CD99: variants seen among roughly 807,000 people sequenced by gnomAD.
CD99 encodes CD99 antigen.
CD99 carries 19 observed loss-of-function variants against 28.4 expected under a neutral mutation model. The ratio of observed to expected loss-of-function variants is 0.67; its 90% CI spans 0.47 to 0.98. CD99 has a LOEUF of 0.98. Ranked by LOEUF, CD99 falls within the 50% of genes least tolerant of loss-of-function variation. The pLI, the probability that CD99 is intolerant of heterozygous loss-of-function variation, is 0.00. For missense variants in CD99, 283 were observed against 248.8 expected (o/e 1.14, Z -0.92); for synonymous variants, 103 against 92.1 (o/e 1.12, Z -0.67).
intron 8 of CD99, among the ~76,000 whole-genome samples, chrX:2,727,991 G>A (rs1009852328): frequency 2.6e-5 from 4 of 152,068 alleles, no homozygotes; most frequent in African/African-American, 7.2e-5. Context: ...GAGTTTCCCC[G>A]TAATCTCCCA....
chrX:2,691,535 C>T (rs1456462905), intron 1 of CD99, 108 bp downstream of exon 1: 7 of 1,248,750 alleles, frequency 5.6e-6, no homozygotes, highest in East Asian at 5.1e-5. Flanking sequence ...CACCCGGAGC[C>T]TCCTCCCTGC....
chrX:2,713,661 C>A (rs754344362), intron 1 of CD99, among the ~76,000 whole-genome samples: 1 of 152,178 alleles, frequency 6.6e-6, no homozygotes, highest in African/African-American at 2.4e-5. Flanking sequence ...AGGGCTCCTG[C>A]GGGTTGTTCT....
At chrX:2,738,552 C>G (rs1005697244) in intron 9 of CD99, among the ~76,000 whole-genome samples, 1 of 151,822 alleles carries the variant, frequency 6.6e-6, no homozygotes, top group Non-Finnish European at 1.5e-5. Flanking sequence ...ATGGTGAAAC[C>G]CTGTCTGTAC....
chrX:2,721,204 AT>A (rs1426360311), intron 5 of CD99, among the ~76,000 whole-genome samples: 1 of 151,722 alleles, frequency 6.6e-6, no homozygotes, highest in Non-Finnish European at 1.5e-5. Context: ...TACATATTTA[AT>A]TTTTAACACA....
chrX:2,692,606 CT>C (rs1259083211), intron 1 of CD99, among the ~76,000 whole-genome samples: 1 of 152,192 alleles, frequency 6.6e-6, no homozygotes, highest in Non-Finnish European at 1.5e-5. Flanking sequence ...ACTTGGAGGA[CT>C]TTCCAGCCTG....
chrX:2,720,589 T>C (rs2048945031), intron 5 of CD99, 165 bp downstream of exon 5: 3 of 168,444 alleles, frequency 1.8e-5, no homozygotes, highest in African/African-American at 4.8e-5. Flanking sequence ...TTCAAAAATA[T>C]ATATTTAGCT....
chrX:2,733,930 A>G (rs1262889722), intron 8 of CD99, among the ~76,000 whole-genome samples: 1 of 152,230 alleles, frequency 6.6e-6, no homozygotes, highest in Non-Finnish European at 1.5e-5. Context: ...ACAGGTACAC[A>G]CCTTGGTTCC....
At chrX:2,701,980 A>C (rs1603263268) in intron 1 of CD99, among the ~76,000 whole-genome samples, 2 of 152,216 alleles carry the variant, frequency 1.3e-5, no homozygotes, top group South Asian at 4.1e-4. Context: ...AGATGCCTGC[A>C]TCTCACCTTG....
intron 1 of CD99, 75 bp from the exon 2 acceptor site, chrX:2,714,347 C>T (rs2048582740): frequency 8.3e-7 from 1 of 1,211,930 alleles, no homozygotes; most frequent in African/African-American, 1.5e-5. Context: ...AATCGCATAT[C>T]TTTTTTATCT....
In CD99 at chrX:2,736,167, G is replaced by A. The variant is rs531321528; in HGVS notation, c.476-2033G>A. Among the ~76,000 whole-genome samples the A allele has an allele frequency of 6.9e-4, 101 of 147,236 alleles. No individual in the cohort carries two copies. The South Asian group carries it at 0.016, about 23-fold the overall frequency. On this transcript the variant is annotated intron_variant, in intron 8 of 9. Transcript: ENST00000381192. ...CAGTGAGCCGAGATCGCGCCACTGC[G>A]TTCCAGCCTGGGCGACAGAGCAAGA...
At chrX:2,719,420 A>T in intron 3 of CD99, 1 of 545,490 alleles carries the variant, frequency 1.8e-6, no homozygotes, top group South Asian at 2.9e-5. Context: ...CTCCTCTGAG[A>T]GCTTCTCTCC....
chrX:2,720,555 G>T, intron 5 of CD99, 131 bp downstream of exon 5: 36 of 562,694 alleles, frequency 6.4e-5, no homozygotes, highest in Middle Eastern at 2.9e-4. Flanking sequence ...TAATGCCCAT[G>T]TTCATGTAAT....
In CD99 at chrX:2,740,829, G is replaced by A. The variant is rs766677640; in HGVS notation, c.*25G>A. 4 of 1,613,866 alleles carry A rather than the reference G, an allele frequency of 2.5e-6. No individual in the cohort carries two copies. In the South Asian group the frequency reaches 4.4e-5, roughly 18 times the overall value. Reference sequence around the variant, plus strand: ...GAAGATTGTCGGCAGAAACAGCCCAGGCGTTGGCAGCAGGGTTAGAACAGC... The same window carrying A: ...GAAGATTGTCGGCAGAAACAGCCCAAGCGTTGGCAGCAGGGTTAGAACAGC... On this transcript the variant is annotated 3_prime_UTR_variant, in exon 10 of 10. Transcript: ENST00000381192.
intron 1 of CD99, among the ~76,000 whole-genome samples, chrX:2,706,368 G>A (rs311054): frequency 0.74 from 112,961 of 151,836 alleles, 42,402 homozygotes; most frequent in Non-Finnish European, 0.78. Flanking sequence ...TCAAAAAAAG[G>A]AAAAAACAAA....
intron 1 of CD99, among the ~76,000 whole-genome samples, chrX:2,703,069 G>A (rs185051081): frequency 6.6e-5 from 10 of 152,084 alleles, no homozygotes; most frequent in Non-Finnish European, 1.2e-4. Context: ...GATTACAGGC[G>A]TGAGCCACCA....
intron 8 of CD99, among the ~76,000 whole-genome samples, chrX:2,737,204 G>A (rs753639518): frequency 6.0e-4 from 92 of 152,276 alleles, no homozygotes; most frequent in African/African-American, 1.9e-3. Context: ...TTTTGAGACA[G>A]TCTTGCTCTG....
intron 1 of CD99, among the ~76,000 whole-genome samples, chrX:2,709,592 G>A (rs182683275): frequency 5.3e-5 from 8 of 152,346 alleles, no homozygotes; most frequent in African/African-American, 1.2e-4. Context: ...CCACACATAC[G>A]TGCAGGAGCA....
At chrX:2,737,145 C>G (rs1447130255) in intron 8 of CD99, among the ~76,000 whole-genome samples, 2 of 152,000 alleles carry the variant, frequency 1.3e-5, no homozygotes, top group African/African-American at 4.8e-5. Flanking sequence ...TGAAAAGATG[C>G]TAATCTGCTG....
At chrX:2,729,072 T>G (rs1334565909) in intron 8 of CD99, among the ~76,000 whole-genome samples, 2 of 151,670 alleles carry the variant, frequency 1.3e-5, no homozygotes, top group African/African-American at 4.8e-5. Context: ...CTCAGGTGGT[T>G]CCCCCCCGCA....
Sources: allele counts gnomAD v4.1 joint callset (sites outside exome capture counted in the v4.1 genomes callset), GRCh38; gene constraint gnomAD v4.1.1; transcripts MANE v1.5; gene names NCBI Gene and HGNC (gene_info 2026-07-23, HGNC 2026-07-21).